DOT1L: variants seen among roughly 807,000 people sequenced by gnomAD.
The protein encoded by DOT1L is histone-lysine N-methyltransferase, H3 lysine-79 specific.
In DOT1L, 33 loss-of-function variants were observed where a neutral mutation model predicts 153.3. That is an observed-to-expected ratio of 0.22 (90% CI 0.16 to 0.29). The LOEUF (loss-of-function observed/expected upper bound fraction) is 0.29. Ranked by LOEUF, DOT1L falls within the 10% of genes least tolerant of loss-of-function variation. DOT1L has a pLI of 1.00. For missense variants in DOT1L, 1,847 were observed against 2,119.9 expected (o/e 0.87, Z 2.53); for synonymous variants, 1,135 against 965.1 (o/e 1.18, Z -3.26).
At chr19:2,181,596 C>T (rs758263980) in intron 2 of DOT1L, among the ~76,000 whole-genome samples, 12 of 149,864 alleles carry the variant, frequency 8.0e-5, no homozygotes, top group Non-Finnish European at 1.2e-4. Flanking sequence ...GGGCCTGACC[C>T]AGGGTCCGTG....
chr19:2,173,562 G>C (rs1420651881), intron 1 of DOT1L, among the ~76,000 whole-genome samples: 3 of 152,172 alleles, frequency 2.0e-5, no homozygotes, highest in South Asian at 2.1e-4. Context: ...CCAGGGTTGC[G>C]AGTAAACCTG....
At chr19:2,185,768 CAAAACA>C (rs543274400) in intron 2 of DOT1L, 81 bp from the exon 3 acceptor site, 24,501 of 1,490,002 alleles carry the variant, frequency 0.016, 259 homozygotes, top group Non-Finnish European at 0.021. Flanking sequence ...GACTCCGTCT[CAAAACA>C]AAAACAAAAA....
chr19:2,226,839 A>C lies in DOT1L; in HGVS notation c.4318A>C (p.Ser1440Arg). The change falls in exon 27 of 28, where the codon AGC (serine) becomes CGC (arginine). Residue 1440 changes from serine (S) to arginine (R), a missense_variant. Physicochemically the swap from Ser to Arg is moderately radical, Grantham distance 110 (BLOSUM62 -1). This residue lies in a region of DOT1L where 934 missense variants were observed against 825.3 expected (regional missense o/e 1.13). Coordinates refer to ENST00000398665, the MANE Select transcript of DOT1L (RefSeq NM_032482.3). ...AAAVPPGSLL[S>R]GPGLAPAASS... ...GGCCGTGCCTCCCGGAAGCCTCCTC[A>C]GCGGCCCCGGCCTGGCCCCGGCGGC... The C allele has an allele frequency of 1.9e-6, 3 of 1,579,850 alleles. No individual in the cohort carries two copies. The highest frequency in any genetic ancestry group is 2.6e-6 in the Non-Finnish European group (3 of 1,171,354).
Position 2,223,489 on chromosome 19 carries a change from G to T in DOT1L, c.3596+3G>T. The T allele has an allele frequency of 6.2e-7, 1 of 1,607,092 alleles. No individual in the cohort carries two copies. The highest frequency in any genetic ancestry group is 1.1e-5 in the South Asian group (1 of 90,738). On this transcript the variant is annotated splice_donor_region_variant and intron_variant, in intron 25 of 27. Coordinates refer to ENST00000398665, the MANE Select transcript of DOT1L (RefSeq NM_032482.3). The stretch of plus-strand genomic sequence containing the variant: ...GAGGACGAGCCCAGCAGTGCTCGGC[G>T]AGTCCAGGGGCCCGGAGGGGGGCGG...
At chr19:2,196,620 C>T (rs550968958) in intron 7 of DOT1L, among the ~76,000 whole-genome samples, 45 of 152,284 alleles carry the variant, frequency 3.0e-4, no homozygotes, top group Admixed American at 9.2e-4. Context: ...TGTGAGCCAC[C>T]GCGCCGGGCC....
Position 2,193,865 on chromosome 19 carries a change from G to T in DOT1L, c.588+82G>T. ...ACGCCCTGGGTGCCTGCACCCCACT[G>T]CTGTGGGACTTCCGAGTCTGGGTGG... On this transcript the variant is annotated intron_variant, in intron 6 of 27. Coordinates refer to ENST00000398665, the MANE Select transcript of DOT1L (RefSeq NM_032482.3). The surrounding 1 kb of genome is among the most constrained non-coding windows in gnomAD (Gnocchi z 5.9). 7.2e-7 allele frequency: 1 copy of T among 1,398,574 alleles called. No homozygotes were observed. The highest frequency in any genetic ancestry group is 1.9e-5 in the Admixed American group (1 of 51,916). The allele number at this position is 1,398,574 out of a possible 1,614,324, so 86.6% of individuals were successfully genotyped here.
At position 2,217,674 on chromosome 19, in the gene DOT1L, T is replaced by C; in HGVS notation, c.2545-98T>C. The C allele has an allele frequency of 1.3e-6, 2 of 1,496,298 alleles. No individual in the cohort carries two copies. Among genetic ancestry groups the C allele is most frequent in the Non-Finnish European group, 1.8e-6 (2 of 1,115,928 alleles). 92.7% of individuals were successfully genotyped at this position (1,496,298 alleles called of 1,614,324 possible). On this transcript the variant is annotated intron_variant, in intron 21 of 27. Transcript: ENST00000398665. This position sits in a 1 kb window ranked among gnomAD's most constrained non-coding sequence, Gnocchi z 7.3. The stretch of plus-strand genomic sequence containing the variant: ...GGGCCTTGGCAGCGTGGGGGCCGCC[T>C]TGAGAGAGCTGTAGCAGGCCCCCGT...
rs544749605 is a variant in DOT1L at position 2,217,906 on chromosome 19, C to T, written c.2679C>T (p.Arg893=). ...TGGCCAGCGTGGTGCTGCCCAGCCG[C>T]GCCGAGAGGGCGGTGAGTGGCTCCC... The part of the protein sequence containing the change: ...IPLASVVLPS[R]AERARSTPSP... The change falls in exon 22 of 28, where the codon CGC becomes CGT. Residue 893 remains arginine (R), a synonymous_variant. Coordinates refer to ENST00000398665, the MANE Select transcript of DOT1L (RefSeq NM_032482.3). This position sits in a 1 kb window ranked among gnomAD's most constrained non-coding sequence, Gnocchi z 7.3. The T allele has an allele frequency of 2.2e-4, 349 of 1,611,968 alleles. 3 individuals carry two copies. Among genetic ancestry groups the T allele is most frequent in the Middle Eastern group, 2.2e-3 (13 of 6,008 alleles).
At chr19:2,209,501 C>T (rs1198582400) in intron 12 of DOT1L, among the ~76,000 whole-genome samples, 4 of 152,248 alleles carry the variant, frequency 2.6e-5, no homozygotes, top group Non-Finnish European at 4.4e-5. Context: ...GCGCTTGTCC[C>T]ACCCTCGGTG....
At chr19:2,226,073 C>T (rs2024317383) in intron 26 of DOT1L, 110 bp from the exon 27 acceptor site, 1 of 1,250,098 alleles carries the variant, frequency 8.0e-7, no homozygotes, top group Admixed American at 3.0e-5. Flanking sequence ...GTGTCTGTGA[C>T]CAGCCCTGCC....
At position 2,199,913 on chromosome 19, in the gene DOT1L, G is replaced by C. The variant is rs2023176405; in HGVS notation, c.681G>C (p.Glu227Asp). Residue 227 changes from glutamate (E) to aspartate (D), a missense_variant, in exon 8 of 28, where the codon GAG becomes GAC. Glu to Asp is a conservative substitution (Grantham distance 45). Around this residue, in one of 8 missense-constraint regions of DOT1L, gnomAD observed 148 missense variants for 422.3 expected, o/e 0.35. Coordinates refer to ENST00000398665, the MANE Select transcript of DOT1L (RefSeq NM_032482.3). ...TLERGDFLSE[E>D]WRERIANTSV... ...AGAGAGGCGATTTCCTCTCAGAAGA[G>C]TGGAGGGAGCGAATCGCCAACACGA... 5 of 1,614,050 alleles carry C rather than the reference G, an allele frequency of 3.1e-6. No homozygotes were observed. The highest frequency in any genetic ancestry group is 4.2e-6 in the Non-Finnish European group (5 of 1,179,922).
chr19:2,203,128 A>T (rs2023358917), intron 9 of DOT1L, among the ~76,000 whole-genome samples: 1 of 151,918 alleles, frequency 6.6e-6, no homozygotes. Context: ...TTTGAGACGG[A>T]GTCTCACTGT....
chr19:2,195,513 ATTGGAGGGTGGC>A (rs1242322354), intron 7 of DOT1L, among the ~76,000 whole-genome samples: 1 of 151,944 alleles, frequency 6.6e-6, no homozygotes, highest in African/African-American at 2.4e-5. Flanking sequence ...CGTGATGTGG[ATTGGAGGGTGGC>A]TTGGGGTCTG....
At position 2,220,350 on chromosome 19, in the gene DOT1L, G is replaced by A. The variant is rs191963872; in HGVS notation, c.2806+128G>A. On this transcript the variant is annotated intron_variant, in intron 23 of 27. Transcript: ENST00000398665. The surrounding 1 kb of genome is among the most constrained non-coding windows in gnomAD (Gnocchi z 4.5). ...ATCATGGGGGCTGCTGCCCCAAACC[G>A]CCACGCCTCATTACTGACACCCTTT... 9.7e-5 allele frequency: 88 copies of A among 904,200 alleles called. No homozygotes were observed. The highest frequency in any genetic ancestry group is 6.2e-4 in the African/African-American group (38 of 60,852). The allele number at this position is 904,200 out of a possible 1,614,324, so 56.0% of individuals were successfully genotyped here. A position where few individuals can be genotyped will look rare whatever the true frequency, so the allele number is the denominator to read the frequency against.
chr19:2,164,335 AC>A (rs562260174), intron 1 of DOT1L, 70 bp downstream of exon 1: 13 of 1,100,960 alleles, frequency 1.2e-5, no homozygotes, highest in African/African-American at 3.3e-5. Flanking sequence ...GACACCCCAA[AC>A]CCCCCCAAGC....
At position 2,229,610 on chromosome 19, in the gene DOT1L, G is replaced by T. The variant is rs554174858; in HGVS notation, c.4607-175G>T. 6.1e-6 allele frequency: 6 copies of T among 985,440 alleles called. No homozygotes were observed. The South Asian group carries it at 2.3e-4, about 39-fold the overall frequency. The allele number at this position is 985,440 out of a possible 1,614,324, so 61.0% of individuals were successfully genotyped here. On this transcript the variant is annotated intron_variant, in intron 27 of 27. Coordinates refer to ENST00000398665, the MANE Select transcript of DOT1L (RefSeq NM_032482.3). ...GTGTCAGGCTCCCTGGTCTGTCACG[G>T]GGCACGCCCGTCGTCTGTTGTGGTT...
At chr19:2,170,231 A>G (rs2020073748) in intron 1 of DOT1L, among the ~76,000 whole-genome samples, 1 of 152,232 alleles carries the variant, frequency 6.6e-6, no homozygotes, top group Non-Finnish European at 1.5e-5. Flanking sequence ...TACAGATTCC[A>G]GGAACAGGAA....
In DOT1L at chr19:2,216,389, G is replaced by A. The variant is rs753135719; in HGVS notation, c.2032G>A (p.Ala678Thr). 4.3e-6 allele frequency: 7 copies of A among 1,612,170 alleles called. No individual in the cohort carries two copies. Among genetic ancestry groups the A allele is most frequent in the African/African-American group, 1.3e-5 (1 of 74,936 alleles). Residue 678 changes from alanine (A) to threonine (T), a missense_variant, in exon 20 of 28, where the codon GCC (alanine) becomes ACC (threonine). Around this residue, in one of 8 missense-constraint regions of DOT1L, gnomAD observed 281 missense variants for 263.6 expected, o/e 1.07. Coordinates refer to ENST00000398665, the MANE Select transcript of DOT1L (RefSeq NM_032482.3). ...ALSLHLRGKG[A>T]LGRELEPDAS... ...GTCCCTGCACCTGCGTGGGAAGGGC[G>A]CCCTGGGCCGCGAGCTGGAGCCTGA...
Position 2,199,866 on chromosome 19 carries a change from A to T in DOT1L, c.652-18A>T. 1 of 1,613,168 alleles carries T rather than the reference A, an allele frequency of 6.2e-7. No homozygotes were observed. The highest frequency in any genetic ancestry group is 8.5e-7 in the Non-Finnish European group (1 of 1,179,394). On this transcript the variant is annotated intron_variant, in intron 7 of 27. Transcript: ENST00000398665. ...AGGGAGGCCGGGGGTCCGCGCTCAC[A>T]CCTGTTTTCCCTTTCAGTTGGAGAG... is the stretch of plus-strand genomic sequence containing the variant.
Sources: gnomAD v4.1 joint callset for allele counts (sites outside exome capture counted in the v4.1 genomes callset) on GRCh38, gnomAD v4.1.1 for gene constraint, gnomAD v4.1.1 regional missense constraint, Gnocchi (gnomAD v3.1) non-coding constraint, MANE v1.5 for transcripts, NCBI Gene and HGNC (gene_info 2026-07-23, HGNC 2026-07-21) for gene names.